PTGES3: variants seen among roughly 807,000 people sequenced by gnomAD.
PTGES3 encodes the protein prostaglandin E synthase 3, also known as Hsp90 co-chaperone.
A neutral mutation model predicts 29.9 loss-of-function variants in PTGES3; 5 were observed. The ratio of observed to expected loss-of-function variants is 0.17; its 90% CI spans 0.09 to 0.35. The LOEUF (loss-of-function observed/expected upper bound fraction) is 0.35. PTGES3 is among the 10% of genes least tolerant of loss of function. PTGES3 has a pLI of 1.00. For missense variants in PTGES3, 128 were observed against 190.0 expected (o/e 0.67, Z 1.92); for synonymous variants, 49 against 57.8 (o/e 0.85, Z 0.69).
intron 6 of PTGES3, chr12:56,665,794 T>C (rs1269347946): frequency 1.5e-6 from 1 of 680,198 alleles, no homozygotes; most frequent in Non-Finnish European, 1.8e-6. Context: ...GCACCTGCCA[T>C]CATGTCTGGC....
intron 5 of PTGES3, among the ~76,000 whole-genome samples, chr12:56,668,888 T>C (rs1466301150): frequency 6.6e-6 from 1 of 152,174 alleles, no homozygotes; most frequent in Non-Finnish European, 1.5e-5. Flanking sequence ...CTATTCTGCC[T>C]ATATAGAGAT....
At chr12:56,683,957 CAAAAAAA>C (rs11386164) in intron 1 of PTGES3, among the ~76,000 whole-genome samples, 4 of 109,326 alleles carry the variant, frequency 3.7e-5, no homozygotes, top group Non-Finnish European at 5.2e-5. Context: ...AACTCCGTCT[CAAAAAAA>C]AAAAAAACAA....
At chr12:56,683,496 A>AAAAAAAAAAAAAAAAAAAAAAC (rs1952659191) in intron 1 of PTGES3, among the ~76,000 whole-genome samples, 1 of 146,702 alleles carries the variant, frequency 6.8e-6, no homozygotes. Context: ...AAAAAAAAAA[A>AAAAAAAAAAAAAAAAAAAAAAC]AAAAATTAGC....
intron 1 of PTGES3, among the ~76,000 whole-genome samples, chr12:56,685,770 C>CTTTTT (rs9325161): frequency 9.7e-5 from 7 of 71,896 alleles, no homozygotes; most frequent in Non-Finnish European, 1.8e-4. Flanking sequence ...GCTACACTTA[C>CTTTTT]TTTTTTTTTT....
intron 6 of PTGES3, 170 bp downstream of exon 6, chr12:56,666,034 G>C: frequency 8.7e-6 from 12 of 1,384,186 alleles, no homozygotes; most frequent in Non-Finnish European, 1.1e-5. Context: ...TTCCCTAATA[G>C]ATACCCCCAT....
At chr12:56,669,622 T>C (rs1951924270) in intron 5 of PTGES3, among the ~76,000 whole-genome samples, 1 of 151,782 alleles carries the variant, frequency 6.6e-6, no homozygotes, top group African/African-American at 2.4e-5. Flanking sequence ...TCTGCATTTA[T>C]TTATTTATTT....
rs1951736600 is a variant in PTGES3 at position 56,665,103 on chromosome 12, T to C, written c.439-303A>G. 3.0e-6 allele frequency: 3 copies of C among 985,198 alleles called. 1 individual carries two copies. In the Admixed American group the frequency reaches 1.8e-4, roughly 61 times the overall value. 61.0% of individuals were successfully genotyped at this position (985,198 alleles called of 1,614,324 possible). A position where few individuals can be genotyped will look rare whatever the true frequency, so the allele number is the denominator to read the frequency against. ...TTCAAAGAGAAAACATGGATCAATA[T>C]GAAGAAAAATGGACTGATAGAAGAC... On this transcript the variant is annotated intron_variant, in intron 6 of 7. Transcript: ENST00000262033.
intron 1 of PTGES3, among the ~76,000 whole-genome samples, chr12:56,675,812 A>G (rs1952213243): frequency 6.6e-6 from 1 of 152,088 alleles, no homozygotes; most frequent in African/African-American, 2.4e-5. Context: ...AATCCCAGCT[A>G]CTCAGGATGC....
chr12:56,672,680 T>C (rs1952052374), intron 3 of PTGES3, 60 bp downstream of exon 3: 12 of 1,481,044 alleles, frequency 8.1e-6, no homozygotes, highest in Non-Finnish European at 1.1e-5. Context: ...CTAAAAAGAA[T>C]ACTTGGTATG....
intron 1 of PTGES3, chr12:56,687,435 A>G (rs896705290): frequency 1.0e-6 from 1 of 987,736 alleles, no homozygotes; most frequent in African/African-American, 1.7e-5. Context: ...AGAAACCCAG[A>G]CACTGGAGAG....
chr12:56,665,534 C>A, intron 6 of PTGES3: 1 of 984,072 alleles, frequency 1.0e-6, no homozygotes. Context: ...ACCGCATGAT[C>A]CACCCATCTC....
rs568010061 is a variant in PTGES3 at position 56,673,728 on chromosome 12, G to A, written c.3-663C>T. Among the ~76,000 whole-genome samples the A allele has an allele frequency of 2.7e-5, 4 of 150,626 alleles. No homozygotes were observed. The South Asian group carries it at 6.3e-4, about 24-fold the overall frequency. ...GCATCGCTTGAACCTGGGAGGCGGA[G>A]GTTGCAATGAGCCGAGATTGCGCCA... is the stretch of plus-strand genomic sequence containing the variant. On this transcript the variant is annotated intron_variant, in intron 1 of 7. Transcript: ENST00000262033.
At chr12:56,682,721 G>GAATAAAAA (rs1952604767) in intron 1 of PTGES3, among the ~76,000 whole-genome samples, 2 of 114,290 alleles carry the variant, frequency 1.7e-5, no homozygotes, top group Non-Finnish European at 3.4e-5. Flanking sequence ...CCATTTAAAA[G>GAATAAAAA]AAAAAAAAAA....
chr12:56,681,742 G>A (rs1249185269), intron 1 of PTGES3, among the ~76,000 whole-genome samples: 2 of 149,944 alleles, frequency 1.3e-5, no homozygotes, highest in African/African-American at 4.9e-5. Context: ...GTAATCCCAG[G>A]TACTCAGGGG....
intron 1 of PTGES3, among the ~76,000 whole-genome samples, chr12:56,685,618 T>C (rs1332967000): frequency 4.6e-5 from 7 of 151,754 alleles, no homozygotes; most frequent in Non-Finnish European, 8.8e-5. Context: ...GCCAGGATGG[T>C]CTCGATCTCC....
intron 1 of PTGES3, 148 bp from the exon 2 acceptor site, chr12:56,673,213 C>A (rs1169589867): frequency 5.5e-6 from 3 of 549,280 alleles, no homozygotes; most frequent in East Asian, 3.1e-5. Flanking sequence ...CAGCTACATT[C>A]CAAGTTAAAA....
At chr12:56,669,217 G>A (rs904168892) in intron 5 of PTGES3, among the ~76,000 whole-genome samples, 11 of 151,470 alleles carry the variant, frequency 7.3e-5, no homozygotes, top group African/African-American at 2.4e-4. Flanking sequence ...ATTTAGAGAC[G>A]GCGTTTTGCT....
At chr12:56,666,656 CT>C (rs774899737) in intron 5 of PTGES3, among the ~76,000 whole-genome samples, 24 of 152,072 alleles carry the variant, frequency 1.6e-4, no homozygotes, top group Admixed American at 3.9e-4. Context: ...GAGACAGAGT[CT>C]AGCTTTGTCG....
At chr12:56,673,199 C>T (rs1952076877) in intron 1 of PTGES3, 134 bp from the exon 2 acceptor site, 2 of 562,204 alleles carry the variant, frequency 3.6e-6, no homozygotes, top group Non-Finnish European at 6.2e-6. Context: ...CATTTTTACC[C>T]TAACAGCTAC....
Sources: allele counts gnomAD v4.1 joint callset (sites outside exome capture counted in the v4.1 genomes callset), GRCh38; gene constraint gnomAD v4.1.1; transcripts MANE v1.5; gene names NCBI Gene and HGNC (gene_info 2026-07-23, HGNC 2026-07-21).